PAPSS1: variants seen among roughly 807,000 people sequenced by gnomAD.
PAPSS1 encodes the protein 3'-phosphoadenosine 5'-phosphosulfate synthase 1.
In PAPSS1, 50 loss-of-function variants were observed where a neutral mutation model predicts 72.0. The ratio of observed to expected loss-of-function variants is 0.69; its 90% CI spans 0.55 to 0.88. The LOEUF is 0.88. Ranked by LOEUF, PAPSS1 falls within the 40% of genes least tolerant of loss-of-function variation. PAPSS1 has a pLI of 0.00. For synonymous variants in PAPSS1, 261 were observed against 263.6 expected, an observed-to-expected ratio of 0.99 and a Z score of 0.09; for missense variants, 657 against 782.2, an observed-to-expected ratio of 0.84 and a Z score of 1.91.
At chr4:107,624,278 C>T (rs904387591) in intron 11 of PAPSS1, among the ~76,000 whole-genome samples, 18 of 152,320 alleles carry the variant, frequency 1.2e-4, no homozygotes, top group Non-Finnish European at 2.2e-4. Flanking sequence ...AACCTATCCC[C>T]GGTACCTCAG....
chr4:107,629,382 T>C (rs951196947), intron 11 of PAPSS1, among the ~76,000 whole-genome samples: 3 of 152,204 alleles, frequency 2.0e-5, no homozygotes, highest in African/African-American at 4.8e-5. Context: ...AAGAAATTAA[T>C]CTTGCCCATG....
intron 11 of PAPSS1, among the ~76,000 whole-genome samples, chr4:107,630,166 G>C (rs1029930968): frequency 9.2e-5 from 14 of 151,852 alleles, no homozygotes; most frequent in Non-Finnish European, 1.8e-4. Context: ...TAAATGACTG[G>C]TATCATCACT....
intron 3 of PAPSS1, among the ~76,000 whole-genome samples, chr4:107,688,693 C>G (rs1404905654): frequency 6.6e-6 from 1 of 152,078 alleles, no homozygotes; most frequent in Non-Finnish European, 1.5e-5. Context: ...CACTGCTCAC[C>G]TTACACAGTT....
At chr4:107,654,289 G>A (rs182912403) in intron 8 of PAPSS1, among the ~76,000 whole-genome samples, 1 of 152,242 alleles carries the variant, frequency 6.6e-6, no homozygotes, top group East Asian at 1.9e-4. Context: ...GTACTTTGAA[G>A]AGAAATTATA....
chr4:107,715,577 G>A (rs1723617291), intron 1 of PAPSS1, among the ~76,000 whole-genome samples: 1 of 152,202 alleles, frequency 6.6e-6, no homozygotes, highest in African/African-American at 2.4e-5. Flanking sequence ...CACATATAAG[G>A]AGACAAGCTG....
intron 11 of PAPSS1, among the ~76,000 whole-genome samples, chr4:107,628,308 T>TTA (rs2110300236): frequency 6.6e-6 from 1 of 152,354 alleles, no homozygotes; most frequent in Admixed American, 6.5e-5. Context: ...TCCAGACAAC[T>TTA]TATCATTTAT....
intron 2 of PAPSS1, among the ~76,000 whole-genome samples, chr4:107,698,586 G>GT: frequency 6.6e-6 from 1 of 152,294 alleles, no homozygotes; most frequent in Admixed American, 6.5e-5. Context: ...AATGAAGGGA[G>GT]TAACTATTGA....
At chr4:107,626,633 C>T (rs571399739) in intron 11 of PAPSS1, among the ~76,000 whole-genome samples, 36 of 152,258 alleles carry the variant, frequency 2.4e-4, no homozygotes, top group Admixed American at 4.6e-4. Flanking sequence ...TTTCTTTTCT[C>T]CTAAGCATTG....
At chr4:107,634,797 A>ATTTTTTTTTTTTTTTTTTTTTTTTTTT in intron 10 of PAPSS1, among the ~76,000 whole-genome samples, 1 of 116,010 alleles carries the variant, frequency 8.6e-6, no homozygotes, top group Non-Finnish European at 1.7e-5. Flanking sequence ...TATTCTAGAC[A>ATTTTTTTTTTTTTTTTTTTTTTTTTTT]TTTTTTTTTT....
At position 107,699,824 on chromosome 4, in the gene PAPSS1, T is replaced by A. The variant is rs553488936; in HGVS notation, c.175+1347A>T. The stretch of plus-strand genomic sequence containing the variant: ...CAAATATATATTTTACCCAGCCAAG[T>A]TGGCATAAAAGGTAGTCATTCTCAA... On this transcript the variant is annotated intron_variant, in intron 2 of 11. Coordinates refer to ENST00000265174, the MANE Select transcript of PAPSS1 (RefSeq NM_005443.5). Among the ~76,000 whole-genome samples the A allele has an allele frequency of 2.0e-5, 3 of 152,298 alleles. No individual in the cohort carries two copies. In the East Asian group the frequency reaches 5.8e-4, roughly 29 times the overall value.
chr4:107,672,784 C>A (rs1195691622), intron 5 of PAPSS1, among the ~76,000 whole-genome samples: 1 of 152,184 alleles, frequency 6.6e-6, no homozygotes. Flanking sequence ...GGTCCCTGAC[C>A]CCCAAGCCTA....
intron 11 of PAPSS1, among the ~76,000 whole-genome samples, chr4:107,624,800 C>T (rs1726051395): frequency 6.6e-6 from 1 of 152,166 alleles, no homozygotes; most frequent in Admixed American, 6.5e-5. Context: ...TATAGTCAGA[C>T]TCTACATGTA....
chr4:107,656,357 C>A lies in PAPSS1; in HGVS notation c.895+539G>T, dbSNP rs182531705. 3.2e-3 allele frequency among the ~76,000 whole-genome samples: 480 copies of A among 152,268 alleles called. 7 individuals are homozygous for A. The highest frequency in any genetic ancestry group is 0.011 in the African/African-American group (455 of 41,544). ...TCTTGAACTCCTGACCTCAGGTGAT[C>A]CACTTCCCTCAGCCTCCCAAAGTGC... On this transcript the variant is annotated intron_variant, in intron 7 of 11. Transcript: ENST00000265174.
intron 4 of PAPSS1, among the ~76,000 whole-genome samples, chr4:107,686,114 A>C (rs1422430828): frequency 6.6e-6 from 1 of 152,276 alleles, no homozygotes; most frequent in Non-Finnish European, 1.5e-5. Context: ...AGGCCAGAGC[A>C]GAGTTGGGTT....
chr4:107,622,963 G>A (rs28726283), intron 11 of PAPSS1, among the ~76,000 whole-genome samples: 36,500 of 152,100 alleles, frequency 0.24, 4,995 homozygotes, highest in Middle Eastern at 0.33. Flanking sequence ...AAGCAAAACA[G>A]CCTTCATTTA....
intron 11 of PAPSS1, among the ~76,000 whole-genome samples, chr4:107,631,187 A>C (rs1726217242): frequency 6.6e-6 from 1 of 152,246 alleles, no homozygotes; most frequent in Non-Finnish European, 1.5e-5. Flanking sequence ...TCTGGCCCCA[A>C]GCATTTCATA....
rs1467946616 is a variant in PAPSS1 at position 107,715,281 on chromosome 4, C to A, written c.60+4839G>T. Among the ~76,000 whole-genome samples, 3 of 152,230 alleles carry A rather than the reference C, an allele frequency of 2.0e-5. No individual in the cohort carries two copies. The East Asian group carries it at 5.8e-4, about 29-fold the overall frequency. Reference sequence around the variant, plus strand: ...AGATCTAGACCTCACTATCATTCGTCTTATTGCTGTTATTGGTAGAAGTTT... The same window carrying A: ...AGATCTAGACCTCACTATCATTCGTATTATTGCTGTTATTGGTAGAAGTTT... On this transcript the variant is annotated intron_variant, in intron 1 of 11. Transcript: ENST00000265174.
chr4:107,622,654 G>A (rs1725995936), intron 11 of PAPSS1, among the ~76,000 whole-genome samples: 1 of 152,188 alleles, frequency 6.6e-6, no homozygotes, highest in South Asian at 2.1e-4. Context: ...ATATTCTAAA[G>A]GGAGCAAAAT....
intron 10 of PAPSS1, among the ~76,000 whole-genome samples, chr4:107,638,303 C>T (rs1393609665): frequency 6.6e-6 from 1 of 152,094 alleles, no homozygotes; most frequent in African/African-American, 2.4e-5. Flanking sequence ...ATTTTAAGAG[C>T]TGAAAGGCAG....
Sources: allele counts gnomAD v4.1 joint callset (sites outside exome capture counted in the v4.1 genomes callset), GRCh38; gene constraint gnomAD v4.1.1; transcripts MANE v1.5; gene names NCBI Gene and HGNC (gene_info 2026-07-23, HGNC 2026-07-21).